DOCK3: variants seen among roughly 807,000 people sequenced by gnomAD.
The protein encoded by DOCK3 is dedicator of cytokinesis 3.
Under a neutral mutation model 265.6 loss-of-function variants are expected in DOCK3, and 60 were observed. The observed-to-expected ratio is 0.23, with a 90% CI of 0.18 to 0.28. The LOEUF is 0.28. Among genes scored for constraint, DOCK3 ranks in the 10% least tolerant of loss-of-function variants. The pLI, the probability that DOCK3 is intolerant of heterozygous loss-of-function variation, is 1.00. For missense variants in DOCK3, 1,981 were observed against 2,594.3 expected (o/e 0.76, Z 5.14); for synonymous variants, 881 against 938.0 (o/e 0.94, Z 1.11).
At chr3:51,006,983 A>G (rs1411332242) in intron 5 of DOCK3, among the ~76,000 whole-genome samples, 1 of 152,180 alleles carries the variant, frequency 6.6e-6, no homozygotes, top group East Asian at 1.9e-4. Context: ...GTAGTATTCC[A>G]TGGCGTATGT....
At chr3:50,903,796 G>C (rs1232189628) in intron 4 of DOCK3, among the ~76,000 whole-genome samples, 2 of 151,590 alleles carry the variant, frequency 1.3e-5, no homozygotes, top group African/African-American at 2.4e-5. Context: ...TTAAGTTCTA[G>C]GGTACATGTG....
At chr3:50,793,468 C>A (rs1171836635) in intron 2 of DOCK3, among the ~76,000 whole-genome samples, 2 of 151,032 alleles carry the variant, frequency 1.3e-5, no homozygotes, top group Admixed American at 1.3e-4. Context: ...AAGTGATTCT[C>A]CTGCCTCAGC....
intron 9 of DOCK3, among the ~76,000 whole-genome samples, chr3:51,102,083 G>T (rs187511483): frequency 6.6e-6 from 1 of 152,198 alleles, no homozygotes; most frequent in Non-Finnish European, 1.5e-5. Flanking sequence ...ATCTGAAAAC[G>T]TGGTACTTGG....
chr3:50,916,071 A>C (rs531605090), intron 4 of DOCK3, among the ~76,000 whole-genome samples: 10 of 152,150 alleles, frequency 6.6e-5, no homozygotes, highest in African/African-American at 2.4e-4. Context: ...AAATGGAGAC[A>C]TGCGATAGCC....
At chr3:50,740,911 G>A (rs942292084) in intron 1 of DOCK3, among the ~76,000 whole-genome samples, 6 of 151,950 alleles carry the variant, frequency 3.9e-5, no homozygotes, top group Admixed American at 1.3e-4. Context: ...ACAGTGTGTA[G>A]CCATCACCAC....
At chr3:50,935,243 A>G (rs564623879) in intron 5 of DOCK3, among the ~76,000 whole-genome samples, 1 of 152,248 alleles carries the variant, frequency 6.6e-6, no homozygotes, top group Admixed American at 6.5e-5. Context: ...AGCACAATAA[A>G]AGCTGTATTT....
At chr3:50,677,213 A>G (rs2034037403) in intron 1 of DOCK3, among the ~76,000 whole-genome samples, 1 of 152,232 alleles carries the variant, frequency 6.6e-6, no homozygotes, top group Non-Finnish European at 1.5e-5. Context: ...AGCATAACTT[A>G]GATGCCTTTT....
At chr3:50,918,223 T>C (rs966013103) in intron 4 of DOCK3, among the ~76,000 whole-genome samples, 17 of 152,298 alleles carry the variant, frequency 1.1e-4, no homozygotes, top group Non-Finnish European at 2.1e-4. Flanking sequence ...TAAACATACG[T>C]GTGCATGTGT....
At chr3:51,139,663 CAAAG>C (rs375037247) in intron 9 of DOCK3, among the ~76,000 whole-genome samples, 12 of 152,114 alleles carry the variant, frequency 7.9e-5, no homozygotes, top group African/African-American at 2.9e-4. Context: ...AGACAATAAA[CAAAG>C]AAAGAAAATA....
intron 1 of DOCK3, among the ~76,000 whole-genome samples, chr3:50,774,032 A>C (rs575020818): frequency 6.6e-6 from 1 of 152,084 alleles, no homozygotes; most frequent in African/African-American, 2.4e-5. Flanking sequence ...ATATAGCCAA[A>C]TATTCCCAGA....
intron 33 of DOCK3, among the ~76,000 whole-genome samples, chr3:51,332,720 G>A (rs1406012346): frequency 6.6e-6 from 1 of 152,148 alleles, no homozygotes. Context: ...GGTGAGGATG[G>A]CTCTGGGCAG....
At chr3:50,840,571 A>G (rs545940874) in intron 2 of DOCK3, among the ~76,000 whole-genome samples, 2 of 152,288 alleles carry the variant, frequency 1.3e-5, no homozygotes, top group East Asian at 3.9e-4. Context: ...CTGTTTGCCT[A>G]ATCTTTCACC....
intron 12 of DOCK3, among the ~76,000 whole-genome samples, chr3:51,181,891 T>C (rs2087316982): frequency 6.6e-6 from 1 of 152,192 alleles, no homozygotes; most frequent in African/African-American, 2.4e-5. Context: ...TAGATTGGGA[T>C]GGGGCCCAAC....
At chr3:50,835,460 G>A (rs1405670376) in intron 2 of DOCK3, among the ~76,000 whole-genome samples, 1 of 152,172 alleles carries the variant, frequency 6.6e-6, no homozygotes, top group Non-Finnish European at 1.5e-5. Context: ...ACCTGTCAAA[G>A]TTATATAGCT....
chr3:51,110,075 T>C (rs1391818150), intron 9 of DOCK3, among the ~76,000 whole-genome samples: 2 of 152,070 alleles, frequency 1.3e-5, no homozygotes, highest in African/African-American at 4.8e-5. Context: ...AATGGATAAA[T>C]TCCTGGGTAC....
intron 5 of DOCK3, among the ~76,000 whole-genome samples, chr3:50,940,060 C>CACACATACACACACAA (rs772086613): frequency 6.6e-6 from 1 of 152,014 alleles, no homozygotes; most frequent in Non-Finnish European, 1.5e-5. Flanking sequence ...CCCACAGACA[C>CACACATACACACACAA]ACACATACAC....
At chr3:51,161,530 T>G (rs943636729) in intron 12 of DOCK3, among the ~76,000 whole-genome samples, 2 of 152,230 alleles carry the variant, frequency 1.3e-5, no homozygotes, top group Non-Finnish European at 2.9e-5. Flanking sequence ...GGCAGCATTA[T>G]TTTTAATAAG....
At chr3:51,367,282 G>A (rs970776904) in intron 49 of DOCK3, among the ~76,000 whole-genome samples, 3 of 152,084 alleles carry the variant, frequency 2.0e-5, no homozygotes, top group Non-Finnish European at 4.4e-5. Context: ...TTGGTTTAAA[G>A]TCTGTTTTAT....
chr3:51,102,715 C>A (rs2083135372), intron 9 of DOCK3, among the ~76,000 whole-genome samples: 1 of 151,936 alleles, frequency 6.6e-6, no homozygotes, highest in South Asian at 2.1e-4. Context: ...AACCAGGAGT[C>A]CAATAATTAT....
Sources: allele counts gnomAD v4.1 joint callset (sites outside exome capture counted in the v4.1 genomes callset), GRCh38; gene constraint gnomAD v4.1.1; transcripts MANE v1.5; gene names NCBI Gene and HGNC (gene_info 2026-07-23, HGNC 2026-07-21).